ADGRB2: variants seen among roughly 807,000 people sequenced by gnomAD.
ADGRB2 encodes the protein brain-specific angiogenesis inhibitor 2.
ADGRB2 carries 47 observed loss-of-function variants against 178.7 expected under a neutral mutation model. The ratio of observed to expected loss-of-function variants is 0.26; its 90% CI spans 0.21 to 0.34. ADGRB2 has a LOEUF of 0.34. Among genes scored for constraint, ADGRB2 ranks in the 10% least tolerant of loss-of-function variants. ADGRB2 has a pLI of 1.00. For synonymous variants in ADGRB2, 870 were observed against 912.4 expected, an observed-to-expected ratio of 0.95 and a Z score of 0.84; for missense variants, 1,584 against 2,180.8, an observed-to-expected ratio of 0.73 and a Z score of 5.45.
At position 31,740,625 on chromosome 1, in the gene ADGRB2, T is replaced by C. The variant is rs998757706; in HGVS notation, c.1795-84A>G. The C allele has an allele frequency of 1.4e-6, 2 of 1,388,024 alleles. No homozygotes were observed. The highest frequency in any genetic ancestry group is 5.4e-5 in the Admixed American group (2 of 36,774). 86.0% of individuals were successfully genotyped at this position (1,388,024 alleles called of 1,614,324 possible). On this transcript the variant is annotated intron_variant, in intron 11 of 32. Transcript: ENST00000373658. The surrounding 1 kb of genome is among the most constrained non-coding windows in gnomAD (Gnocchi z 5.9). ...GCCCATCCCACTCCAGTCCACCCAC[T>C]GCTTGCATCCACGGGGAGAGAAAGG... is the stretch of plus-strand genomic sequence containing the variant.
At chr1:31,762,005 G>A (rs879295165) in intron 1 of ADGRB2, among the ~76,000 whole-genome samples, 11 of 144,074 alleles carry the variant, frequency 7.6e-5, no homozygotes, top group African/African-American at 2.0e-4. Flanking sequence ...GCTTTTGAAC[G>A]TAGGTCGTCT....
rs1368245326 is a variant in ADGRB2 at position 31,731,065 on chromosome 1, TCCTCAC to T, written c.4109_4114del (p.Gly1370_Glu1371del). 4 of 1,580,734 alleles carry T rather than the reference TCCTCAC, an allele frequency of 2.5e-6. No homozygotes were observed. Among genetic ancestry groups the T allele is most frequent in the Non-Finnish European group, 3.4e-6 (4 of 1,163,046 alleles). On this transcript the variant is annotated inframe_deletion, in exon 29 of 33. Transcript: ENST00000373658. Reference sequence around the variant, plus strand: ...CCCCTCCGGCCGGGCCCTGGGGGCATCCTCACCACCTCCACCCCCACCGCCAGGCTG... The same window carrying T: ...CCCCTCCGGCCGGGCCCTGGGGGCATCACCTCCACCCCCACCGCCAGGCTG...
In ADGRB2 at chr1:31,733,386, C is replaced by G. The variant is rs1016457352; in HGVS notation, c.3453-243G>C. Among the ~76,000 whole-genome samples, 1 of 152,098 alleles carries G rather than the reference C, an allele frequency of 6.6e-6. No homozygotes were observed. The highest frequency in any genetic ancestry group is 2.4e-5 in the African/African-American group (1 of 41,410). On this transcript the variant is annotated intron_variant, in intron 25 of 32. Coordinates refer to ENST00000373658, the MANE Select transcript of ADGRB2 (RefSeq NM_001364857.2). The surrounding 1 kb of genome is among the most constrained non-coding windows in gnomAD (Gnocchi z 4.3). ...GGGACCAGGAAGGTGGGGAAGGACACGCAGACACAGTGGGACCGAGCCACA... is the reference window on the plus strand; with the variant it reads ...GGGACCAGGAAGGTGGGGAAGGACAGGCAGACACAGTGGGACCGAGCCACA...
chr1:31,738,527 T>C, intron 17 of ADGRB2, 60 bp downstream of exon 17: 1 of 1,566,930 alleles, frequency 6.4e-7, no homozygotes, highest in African/African-American at 1.4e-5. Context: ...AGGAGACCCC[T>C]TTCTGGCAAA....
At chr1:31,763,786 T>G (rs1201132409) in intron 1 of ADGRB2, 98 bp downstream of exon 1, 1 of 984,244 alleles carries the variant, frequency 1.0e-6, no homozygotes, top group Non-Finnish European at 1.2e-6. Context: ...AGAGACGGGT[T>G]AGGAGAGCGC....
In ADGRB2 at chr1:31,733,521, C is replaced by T. The variant is rs145599713; in HGVS notation, c.3453-378G>A. Among the ~76,000 whole-genome samples the T allele has an allele frequency of 3.9e-5, 6 of 152,180 alleles. No individual in the cohort carries two copies. The highest frequency in any genetic ancestry group is 1.2e-4 in the African/African-American group (5 of 41,430). On this transcript the variant is annotated intron_variant, in intron 25 of 32. Coordinates refer to ENST00000373658, the MANE Select transcript of ADGRB2 (RefSeq NM_001364857.2). The surrounding 1 kb of genome is among the most constrained non-coding windows in gnomAD (Gnocchi z 4.3). ...CCGGGACGGCATCCCCAGAGCCTAACTGGGTAGGCTGGGGAGGGGGACTGG... is the reference window on the plus strand; with the variant it reads ...CCGGGACGGCATCCCCAGAGCCTAATTGGGTAGGCTGGGGAGGGGGACTGG...
In ADGRB2 at chr1:31,735,730, C is replaced by A; in HGVS notation, c.3268-65G>T. 6.3e-7 allele frequency: 1 copy of A among 1,574,938 alleles called. No homozygotes were observed. Among genetic ancestry groups the A allele is most frequent in the South Asian group, 1.2e-5 (1 of 85,554 alleles). On this transcript the variant is annotated intron_variant, in intron 23 of 32. Coordinates refer to ENST00000373658, the MANE Select transcript of ADGRB2 (RefSeq NM_001364857.2). This position sits in a 1 kb window ranked among gnomAD's most constrained non-coding sequence, Gnocchi z 6.0. ...CCAGGTGCCCTCCTGGCAGGGAAAT[C>A]CCCATGTGGGAGCTGGAGCGCAGGG... is the stretch of plus-strand genomic sequence containing the variant.
Position 31,731,318 on chromosome 1 carries a change from C to T in ADGRB2, c.3862G>A (p.Gly1288Ser), listed in dbSNP as rs1340900539. The T allele has an allele frequency of 6.2e-7, 1 of 1,612,634 alleles. No individual in the cohort carries two copies. The highest frequency in any genetic ancestry group is 8.5e-7 in the Non-Finnish European group (1 of 1,179,888). ...GAGAAGCTGAGGCTGCCCTCAGGGC[C>T]CACGAGGCAGGACTTGGGCTCCTCA... ...EDEEPKSCLV[G>S]PEGSLSFSPL... Residue 1288 changes from glycine to serine, a missense_variant, in exon 29 of 33, where the codon GGC becomes AGC. Around this residue, in one of 3 missense-constraint regions of ADGRB2, gnomAD observed 865 missense variants for 1,192.8 expected, o/e 0.73. Transcript: ENST00000373658.
intron 20 of ADGRB2, 39 bp downstream of exon 20, chr1:31,737,390 C>T: frequency 6.4e-7 from 1 of 1,566,726 alleles, no homozygotes; most frequent in Non-Finnish European, 8.8e-7. Context: ...CCCCTCCACC[C>T]CACTCACACC....
rs373629394 is a variant in ADGRB2 at position 31,730,902 on chromosome 1, T to A, written c.4278A>T (p.Pro1426=). 3.0e-5 allele frequency: 47 copies of A among 1,578,820 alleles called. No individual in the cohort carries two copies. In the East Asian group the frequency reaches 4.5e-4, roughly 15 times the overall value. ...QNPYGMTFQP[P]PPTPSARQVP... is the part of the protein sequence containing the mutation. ...CTTGGCGGGCGCTGGGTGTCGGCGG[T>A]GGCGGTTGGAAGGTCATTCCATAGG... The change falls in exon 29 of 33, where the codon CCA becomes CCT. Residue 1426 remains proline (P), a synonymous_variant. Coordinates refer to ENST00000373658, the MANE Select transcript of ADGRB2 (RefSeq NM_001364857.2).
chr1:31,737,261 T>C (rs1569842129), intron 20 of ADGRB2, among the ~76,000 whole-genome samples, 168 bp downstream of exon 20: 1 of 152,272 alleles, frequency 6.6e-6, no homozygotes, highest in Admixed American at 6.5e-5. Flanking sequence ...CCCTCTCCAA[T>C]GTCCTCACAT....
Position 31,741,340 on chromosome 1 carries a change from C to T in ADGRB2, c.1794+33G>A. On this transcript the variant is annotated intron_variant, in intron 11 of 32. Transcript: ENST00000373658. The surrounding 1 kb of genome is among the most constrained non-coding windows in gnomAD (Gnocchi z 6.5). ...CCCCTAGCAGAGTCTGAGACAGATT[C>T]TGCTGTGCCCCAGCCCAGCAGGGTG... 1 of 1,563,288 alleles carries T rather than the reference C, an allele frequency of 6.4e-7. No homozygotes were observed. Among genetic ancestry groups the T allele is most frequent in the Non-Finnish European group, 8.7e-7 (1 of 1,149,724 alleles).
rs1016869121 is a variant in ADGRB2 at position 31,728,420 on chromosome 1, C to T, written c.4417-140G>A. On this transcript the variant is annotated intron_variant, in intron 30 of 32. Coordinates refer to ENST00000373658, the MANE Select transcript of ADGRB2 (RefSeq NM_001364857.2). The surrounding 1 kb of genome is among the most constrained non-coding windows in gnomAD (Gnocchi z 6.7). ...GGGACAAGACCTAGTTCTCTCTTCACGTTGGTGCTATGGGCTTGGGCAGGG... is the reference window on the plus strand; with the variant it reads ...GGGACAAGACCTAGTTCTCTCTTCATGTTGGTGCTATGGGCTTGGGCAGGG... The T allele has an allele frequency of 9.8e-6, 13 of 1,323,324 alleles. No homozygotes were observed. The highest frequency in any genetic ancestry group is 5.3e-5 in the Admixed American group (3 of 56,810). The allele number at this position is 1,323,324 out of a possible 1,614,324, so 82.0% of individuals were successfully genotyped here. A position where few individuals can be genotyped will look rare whatever the true frequency, so the allele number is the denominator to read the frequency against.
Position 31,739,458 on chromosome 1 carries a change from C to T in ADGRB2, c.2345G>A (p.Ser782Asn). The change falls in exon 15 of 33, where the codon AGC (serine) becomes AAC (asparagine). Residue 782 changes from serine (S) to asparagine (N), a missense_variant. By Grantham distance (46) the Ser-to-Asn change is conservative (BLOSUM62 1). Around this residue, in one of 3 missense-constraint regions of ADGRB2, gnomAD observed 865 missense variants for 1,192.8 expected, o/e 0.73. Coordinates refer to ENST00000373658, the MANE Select transcript of ADGRB2 (RefSeq NM_001364857.2). ...TCCTGGGCCCCTCCCCCTGCCAGGG[C>T]TGCCTGCTGCCCCAGATGTGGCTGG... Reference protein sequence around the residue: ...GKPATSGAAGSPGRGRGPGTV... With the variant: ...GKPATSGAAGNPGRGRGPGTV... 1 of 1,606,822 alleles carries T rather than the reference C, an allele frequency of 6.2e-7. No individual in the cohort carries two copies. The highest frequency in any genetic ancestry group is 8.5e-7 in the Non-Finnish European group (1 of 1,176,900).
At chr1:31,732,699 G>T in intron 26 of ADGRB2, 87 bp from the exon 27 acceptor site, 1 of 1,458,180 alleles carries the variant, frequency 6.9e-7, no homozygotes. Context: ...AGATGCCCAG[G>T]CAAGTGTAGA....
chr1:31,735,119 G>GGC lies in ADGRB2; in HGVS notation c.3452+63_3452+64insGC. On this transcript the variant is annotated intron_variant, in intron 25 of 32. Coordinates refer to ENST00000373658, the MANE Select transcript of ADGRB2 (RefSeq NM_001364857.2). The surrounding 1 kb of genome is among the most constrained non-coding windows in gnomAD (Gnocchi z 6.0). ...ATCCCTCCTCCTCCCCCCACCATGG[G>GGC]CACTGCCCCCCCCAATTCCTTTGCC... is the stretch of plus-strand genomic sequence containing the variant. 2 of 1,075,724 alleles carry GGC rather than the reference G, an allele frequency of 1.9e-6. No individual in the cohort carries two copies. The highest frequency in any genetic ancestry group is 2.5e-6 in the Non-Finnish European group (2 of 792,410). 66.6% of individuals were successfully genotyped at this position (1,075,724 alleles called of 1,614,324 possible). A position where few individuals can be genotyped will look rare whatever the true frequency, so the allele number is the denominator to read the frequency against.
intron 27 of ADGRB2, among the ~76,000 whole-genome samples, 155 bp from the exon 28 acceptor site, chr1:31,732,309 G>T (rs1645329823): frequency 6.6e-6 from 1 of 152,246 alleles, no homozygotes; most frequent in Non-Finnish European, 1.5e-5. Flanking sequence ...CCCAGGCATG[G>T]CCTACCCCAG....
chr1:31,738,504 T>C, intron 17 of ADGRB2, 83 bp downstream of exon 17: 1 of 1,543,312 alleles, frequency 6.5e-7, no homozygotes, highest in Non-Finnish European at 8.8e-7. Flanking sequence ...AAAATCCCTC[T>C]TGCCTTTTAG....
At chr1:31,749,210 C>T (rs753924634) in intron 4 of ADGRB2, among the ~76,000 whole-genome samples, 53 of 152,180 alleles carry the variant, frequency 3.5e-4, no homozygotes, top group Non-Finnish European at 6.8e-4. Context: ...TCTGTGTAAC[C>T]TCCAAAGTGA....
Sources: allele counts gnomAD v4.1 joint callset (sites outside exome capture counted in the v4.1 genomes callset), GRCh38; gene constraint gnomAD v4.1.1; regional missense constraint gnomAD v4.1.1; non-coding constraint Gnocchi (gnomAD v3.1); transcripts MANE v1.5; gene names NCBI Gene and HGNC (gene_info 2026-07-23, HGNC 2026-07-21).